The following MYO18A variants were observed in gnomAD, a reference collection of about 807,000 sequenced individuals.
MYO18A encodes the protein unconventional myosin-XVIIIa.
A neutral mutation model predicts 235.8 loss-of-function variants in MYO18A; 78 were observed. The ratio of observed to expected loss-of-function variants is 0.33; its 90% confidence interval spans 0.28 to 0.40. The LOEUF (loss-of-function observed/expected upper bound fraction) is 0.40. Ranked by LOEUF, MYO18A falls within the 10% of genes least tolerant of loss-of-function variation. MYO18A has a pLI of 1.00. For synonymous variants in MYO18A, 977 were observed against 1,077.8 expected, an observed-to-expected ratio of 0.91 and a Z score of 1.83; for missense variants, 2,215 against 2,699.3, an observed-to-expected ratio of 0.82 and a Z score of 3.98.
chr17:29,086,369 C>T (rs774246117), intron 39 of MYO18A, 69 bp downstream of exon 39: 94 of 1,526,772 alleles, frequency 6.2e-5, no homozygotes, highest in Middle Eastern at 2.3e-4. Flanking sequence ...TCTACCTGGT[C>T]GTCTGGTTCC....
At chr17:29,175,486 C>G (rs2068503616) in intron 1 of MYO18A, among the ~76,000 whole-genome samples, 1 of 151,360 alleles carries the variant, frequency 6.6e-6, no homozygotes, top group Admixed American at 6.6e-5. Context: ...ACCGCAGCCT[C>G]CTGAGTAGCT....
At chr17:29,096,951 C>A in intron 27 of MYO18A, 36 bp from the exon 28 acceptor site, 1 of 1,507,604 alleles carries the variant, frequency 6.6e-7, no homozygotes. Flanking sequence ...ACAGAGAGAC[C>A]CAGAAGCATA....
chr17:29,090,813 A>G lies in MYO18A; in HGVS notation c.5301T>C (p.Ala1767=). ...CGGGCACTCCTGGCAGGGGTACCTG[A>G]GCCACGGCAGCCTTGTGCTTCTTCA... ...ELMKKHKAAV[A]QASRDLAQIN... is the part of the protein sequence containing the mutation. The change falls in exon 35 of 42, where the codon GCT becomes GCC. Residue 1767 remains alanine, a synonymous_variant. Coordinates refer to ENST00000527372, the MANE Select transcript of MYO18A (RefSeq NM_078471.4). 1 of 1,613,548 alleles carries G rather than the reference A, an allele frequency of 6.2e-7. No homozygotes were observed. Among genetic ancestry groups the G allele is most frequent in the Admixed American group, 1.7e-5 (1 of 60,026 alleles).
chr17:29,149,719 A>ATTT (rs2067928794), intron 2 of MYO18A, among the ~76,000 whole-genome samples: 1 of 152,096 alleles, frequency 6.6e-6, no homozygotes, highest in African/African-American at 2.4e-5. Context: ...GCTGCTGGGG[A>ATTT]TTTCCTCATG....
chr17:29,129,798 A>T (rs543378015), intron 2 of MYO18A, among the ~76,000 whole-genome samples: 1 of 152,318 alleles, frequency 6.6e-6, no homozygotes, highest in South Asian at 2.1e-4. Flanking sequence ...CAAGGGCCTT[A>T]ATCTAGGCCC....
At chr17:29,131,292 A>AACAC in intron 2 of MYO18A, 1 of 751,526 alleles carries the variant, frequency 1.3e-6, no homozygotes, top group Non-Finnish European at 1.6e-6. Context: ...TGCAGGGGCA[A>AACAC]ACACACACAC....
intron 2 of MYO18A, among the ~76,000 whole-genome samples, chr17:29,160,426 T>G (rs1380359295): frequency 6.6e-6 from 1 of 152,226 alleles, no homozygotes; most frequent in African/African-American, 2.4e-5. Flanking sequence ...AACTTCCTCC[T>G]GCCCCACTGT....
Position 29,111,908 on chromosome 17 carries a change from G to A in MYO18A, c.2599-45C>T. ...TCCCTCCTTGTCATATGGAGCTGTGGGAAAGGGGCCAGGGTGGTGCCGGGC... is the reference window on the plus strand; with the variant it reads ...TCCCTCCTTGTCATATGGAGCTGTGAGAAAGGGGCCAGGGTGGTGCCGGGC... On this transcript the variant is annotated intron_variant, in intron 15 of 41. Coordinates refer to ENST00000527372, the MANE Select transcript of MYO18A (RefSeq NM_078471.4). This position sits in a 1 kb window ranked among gnomAD's most constrained non-coding sequence, Gnocchi z 5.1. 6.3e-7 allele frequency: 1 copy of A among 1,586,406 alleles called. No homozygotes were observed. The highest frequency in any genetic ancestry group is 2.2e-5 in the East Asian group (1 of 44,564).
rs746112353 is a variant in MYO18A, at chr17:29,093,369, C to T, written c.4880G>A (p.Arg1627Gln). The change falls in exon 32 of 42, where the codon CGA (arginine) becomes CAA (glutamine). Residue 1627 changes from arginine to glutamine, a missense_variant. Coordinates refer to ENST00000527372, the MANE Select transcript of MYO18A (RefSeq NM_078471.4). ...CTTGCCCTCCAGCTCCCGCTTCTCT[C>T]GCAGAACCTTCTGCTTGTCCTCATA... ...EEYEDKQKVL[R>Q]EKRELEGKLA... 1.3e-5 allele frequency: 21 copies of T among 1,612,696 alleles called. No individual in the cohort carries two copies. Among genetic ancestry groups the T allele is most frequent in the East Asian group, 2.2e-5 (1 of 44,774 alleles).
At position 29,095,068 on chromosome 17, in the gene MYO18A, G is replaced by A. The variant is rs1348548411; in HGVS notation, c.4386-9C>T. 3.3e-6 allele frequency: 5 copies of A among 1,520,260 alleles called. No individual in the cohort carries two copies. The highest frequency in any genetic ancestry group is 2.8e-5 in the African/African-American group (2 of 71,964). The allele number at this position is 1,520,260 out of a possible 1,614,324, so 94.2% of individuals were successfully genotyped here. A position where few individuals can be genotyped will look rare whatever the true frequency, so the allele number is the denominator to read the frequency against. ...AGAGCTCACTGTCAAACCTGCGAGG[G>A]AGTGTGGCGGCTCCATCAGATGGGG... On this transcript the variant is annotated splice_polypyrimidine_tract_variant and intron_variant, in intron 28 of 41. Coordinates refer to ENST00000527372, the MANE Select transcript of MYO18A (RefSeq NM_078471.4).
Position 29,120,604 on chromosome 17 carries a change from C to A in MYO18A, c.1728+12G>T. 6.2e-7 allele frequency: 1 copy of A among 1,611,540 alleles called. No homozygotes were observed. The highest frequency in any genetic ancestry group is 8.5e-7 in the Non-Finnish European group (1 of 1,178,620). On this transcript the variant is annotated intron_variant, in intron 7 of 41. Transcript: ENST00000527372. The surrounding 1 kb of genome is among the most constrained non-coding windows in gnomAD (Gnocchi z 4.2). ...GTGTCCTACTACCCCGAGTCCTGGG[C>A]AGCACTCTCACCTGAATGGAGGCTG...
Position 29,110,044 on chromosome 17 carries a change from G to A in MYO18A, c.3145C>T (p.Pro1049Ser). ...TCCCCAGCCCAGCCCTCAGCTACAGGCAGGAAGCAGTGCACAAAATGCAGC... is the reference window on the plus strand; with the variant it reads ...TCCCCAGCCCAGCCCTCAGCTACAGACAGGAAGCAGTGCACAAAATGCAGC... ...SKLHFVHCFLPVAEGWAGEPR... is the reference protein window; with the variant it reads ...SKLHFVHCFLSVAEGWAGEPR... The change falls in exon 19 of 42, where the codon CCT becomes TCT. Residue 1049 changes from proline (P) to serine (S), a missense_variant. Physicochemically the swap from Pro to Ser is moderately conservative, Grantham distance 74. Coordinates refer to ENST00000527372, the MANE Select transcript of MYO18A (RefSeq NM_078471.4). The A allele has an allele frequency of 6.2e-7, 1 of 1,613,172 alleles. No homozygotes were observed.
At chr17:29,170,689 G>A (rs2068381363) in intron 1 of MYO18A, among the ~76,000 whole-genome samples, 1 of 152,136 alleles carries the variant, frequency 6.6e-6, no homozygotes, top group South Asian at 2.1e-4. Context: ...GTAAGTTAGG[G>A]TATGGACCCG....
intron 2 of MYO18A, among the ~76,000 whole-genome samples, chr17:29,136,248 AAAATAT>A (rs1370684202): frequency 2.3e-3 from 171 of 74,596 alleles, no homozygotes; most frequent in African/African-American, 5.5e-3. Context: ...AAAAAAAAAA[AAAATAT>A]ATATATATAT....
chr17:29,146,191 G>C (rs766669734), intron 2 of MYO18A, among the ~76,000 whole-genome samples: 16 of 152,338 alleles, frequency 1.1e-4, no homozygotes, highest in Non-Finnish European at 1.8e-4. Flanking sequence ...CCGGGAGGCA[G>C]AGGTTGCAGT....
intron 41 of MYO18A, chr17:29,078,258 T>G (rs1283875674): frequency 6.6e-6 from 1 of 152,236 alleles, no homozygotes; most frequent in Non-Finnish European, 1.5e-5. Context: ...TCAGGTGATC[T>G]GTCTGCCTCA....
At chr17:29,099,601 TG>T in intron 22 of MYO18A, 32 bp downstream of exon 22, 1 of 1,604,026 alleles carries the variant, frequency 6.2e-7, no homozygotes, top group Non-Finnish European at 8.5e-7. Flanking sequence ...CCATCTAGGT[TG>T]GGGAGGGGGA....
In MYO18A at chr17:29,115,410, C is replaced by T. The variant is rs1202574214; in HGVS notation, c.2259G>A (p.Glu753=). The T allele has an allele frequency of 6.2e-7, 1 of 1,613,936 alleles. No individual in the cohort carries two copies. Among genetic ancestry groups the T allele is most frequent in the East Asian group, 2.2e-5 (1 of 44,884 alleles). The change falls in exon 13 of 42, where the codon GAG becomes GAA. Residue 753 remains glutamate, a synonymous_variant. Transcript: ENST00000527372. ...GPKLSALECL[E]GMAAGLYSEL... ...CGCTGTAGAGGCCGGCCGCCATGCCCTCAAGGCACTCCAGTGCACTCAGTT... is the reference window on the plus strand; with the variant it reads ...CGCTGTAGAGGCCGGCCGCCATGCCTTCAAGGCACTCCAGTGCACTCAGTT...
chr17:29,074,300 G>A lies in MYO18A; in HGVS notation c.*470C>T, dbSNP rs911344226. On this transcript the variant is annotated 3_prime_UTR_variant, in exon 42 of 42. Transcript: ENST00000527372. This position sits in a 1 kb window ranked among gnomAD's most constrained non-coding sequence, Gnocchi z 4.4. Reference sequence around the variant, plus strand: ...GGTTGGGTATTTAAATTAAAAAGTAGAAAGACAGCAGGCACCAAGAAGAGA... The same window carrying A: ...GGTTGGGTATTTAAATTAAAAAGTAAAAAGACAGCAGGCACCAAGAAGAGA... The A allele has an allele frequency of 9.0e-7, 1 of 1,115,796 alleles. No individual in the cohort carries two copies. Among genetic ancestry groups the A allele is most frequent in the African/African-American group, 1.6e-5 (1 of 63,232 alleles). 69.1% of individuals were successfully genotyped at this position (1,115,796 alleles called of 1,614,324 possible).
Sources: gnomAD v4.1 joint callset for allele counts (sites outside exome capture counted in the v4.1 genomes callset) on GRCh38, gnomAD v4.1.1 for gene constraint, Gnocchi (gnomAD v3.1) non-coding constraint, MANE v1.5 for transcripts, NCBI Gene and HGNC (gene_info 2026-07-23, HGNC 2026-07-21) for gene names.